The following SH3PXD2A variants were observed in gnomAD, a reference collection of about 807,000 sequenced individuals.
The protein encoded by SH3PXD2A is SH3 and PX domains 2A.
SH3PXD2A carries 32 observed loss-of-function variants against 115.2 expected under a neutral mutation model. The ratio of observed to expected loss-of-function variants is 0.28; its 90% confidence interval spans 0.21 to 0.37. The LOEUF (loss-of-function observed/expected upper bound fraction) is 0.37, where lower values mean the gene tolerates loss of function less well. Among genes scored for constraint, SH3PXD2A ranks in the 10% least tolerant of loss-of-function variants. SH3PXD2A has a pLI of 1.00. For missense variants in SH3PXD2A, 1,328 were observed against 1,498.7 expected (o/e 0.89, Z 1.88); for synonymous variants, 610 against 629.1 (o/e 0.97, Z 0.45).
At chr10:103,610,929 C>A (rs2036417473) in intron 13 of SH3PXD2A, among the ~76,000 whole-genome samples, 1 of 152,234 alleles carries the variant, frequency 6.6e-6, no homozygotes, top group Non-Finnish European at 1.5e-5. Context: ...CACTACATCC[C>A]ACTGCGCTTA....
rs1449645836 is a variant in SH3PXD2A at position 103,601,988 on chromosome 10, T to C, written c.3230A>G (p.Tyr1077Cys). ...CCCCTCGTAGTCTGCGATAGAGACG[T>C]ACACATCTTTGAGGTTATTGTGGAT... ...QFIHNNLKDV[Y>C]VSIADYEGDE... The change falls in exon 15 of 15, where the codon TAC (tyrosine) becomes TGC (cysteine). Residue 1077 changes from tyrosine (Y) to cysteine (C), a missense_variant. Physicochemically the swap from Tyr to Cys is radical, Grantham distance 194. Coordinates refer to ENST00000369774, the MANE Select transcript of SH3PXD2A (RefSeq NM_001394015.1). 1 of 1,613,872 alleles carries C rather than the reference T, an allele frequency of 6.2e-7. No individual in the cohort carries two copies. Among genetic ancestry groups the C allele is most frequent in the East Asian group, 2.2e-5 (1 of 44,860 alleles).
chr10:103,792,171 C>G (rs948902796), intron 2 of SH3PXD2A, among the ~76,000 whole-genome samples: 4 of 152,218 alleles, frequency 2.6e-5, no homozygotes, highest in Non-Finnish European at 5.9e-5. Context: ...ATCAAAGATG[C>G]CTCTTTCCAG....
chr10:103,622,642 G>GTGT, intron 9 of SH3PXD2A, 89 bp from the exon 10 acceptor site: 4 of 545,750 alleles, frequency 7.3e-6, no homozygotes, highest in Non-Finnish European at 1.0e-5. Context: ...GGGGTGGGAG[G>GTGT]AAGGGGCACA....
At chr10:103,767,744 G>A (rs1190955253) in intron 2 of SH3PXD2A, among the ~76,000 whole-genome samples, 1 of 151,006 alleles carries the variant, frequency 6.6e-6, no homozygotes. Flanking sequence ...CCCTGAGGTC[G>A]CTGCTGTTTT....
At chr10:103,854,438 G>A (rs893878426) in intron 1 of SH3PXD2A, among the ~76,000 whole-genome samples, 2 of 152,162 alleles carry the variant, frequency 1.3e-5, no homozygotes, top group South Asian at 4.1e-4. Flanking sequence ...AGGCTCTGGA[G>A]CTGCCCCAGT....
intron 10 of SH3PXD2A, among the ~76,000 whole-genome samples, chr10:103,622,208 T>C (rs909047584): frequency 6.6e-6 from 1 of 152,064 alleles, no homozygotes; most frequent in African/African-American, 2.4e-5. Context: ...CAAGCCCCTG[T>C]ACCTTTTCAG....
At position 103,656,306 on chromosome 10, in the gene SH3PXD2A, C is replaced by T. The variant is rs142094306; in HGVS notation, c.604+4677G>A. 1.4e-3 allele frequency among the ~76,000 whole-genome samples: 209 copies of T among 152,332 alleles called. 1 individual carries two copies. Among genetic ancestry groups the T allele is most frequent in the African/African-American group, 4.9e-3 (203 of 41,566 alleles). ...GCTTATTGGACCAGGGCTGGACACC[C>T]GATCTAACGTTTGCCAATCCATTGC... On this transcript the variant is annotated intron_variant, in intron 8 of 14. Transcript: ENST00000369774.
chr10:103,716,008 C>G (rs1202754827), intron 5 of SH3PXD2A, among the ~76,000 whole-genome samples: 1 of 152,222 alleles, frequency 6.6e-6, no homozygotes, highest in Non-Finnish European at 1.5e-5. Flanking sequence ...ATGAAACAAC[C>G]ATCCCCAAAA....
chr10:103,712,716 G>C (rs998669944), intron 5 of SH3PXD2A, among the ~76,000 whole-genome samples: 1 of 152,238 alleles, frequency 6.6e-6, no homozygotes, highest in South Asian at 2.1e-4. Flanking sequence ...TTCAGCCCCC[G>C]TGGTGACCAT....
intron 3 of SH3PXD2A, among the ~76,000 whole-genome samples, chr10:103,761,913 C>T (rs941586607): frequency 1.3e-5 from 2 of 150,752 alleles, no homozygotes. Flanking sequence ...GATTTGACTT[C>T]TCTTTAAAAT....
At chr10:103,783,303 A>T (rs1317162995) in intron 2 of SH3PXD2A, among the ~76,000 whole-genome samples, 1 of 152,190 alleles carries the variant, frequency 6.6e-6, no homozygotes, top group Non-Finnish European at 1.5e-5. Flanking sequence ...ATTCGTGGGA[A>T]GACTGGATTA....
intron 7 of SH3PXD2A, among the ~76,000 whole-genome samples, chr10:103,662,349 G>T (rs4918039): frequency 1.2e-5 from 1 of 81,546 alleles, no homozygotes; most frequent in South Asian, 6.5e-4. Flanking sequence ...GGCGGGGGGG[G>T]GGGCGGGGGG....
chr10:103,752,631 T>G (rs1325995039), intron 3 of SH3PXD2A, among the ~76,000 whole-genome samples: 2 of 152,210 alleles, frequency 1.3e-5, no homozygotes, highest in East Asian at 3.8e-4. Flanking sequence ...AATGAATAAG[T>G]AAAACCCTGC....
At chr10:103,703,271 T>C (rs1311644443) in intron 5 of SH3PXD2A, among the ~76,000 whole-genome samples, 1 of 152,170 alleles carries the variant, frequency 6.6e-6, no homozygotes, top group African/African-American at 2.4e-5. Context: ...CTCCCAGACT[T>C]TCCTAGACAC....
At chr10:103,820,797 C>T (rs914288827) in intron 1 of SH3PXD2A, among the ~76,000 whole-genome samples, 1 of 152,178 alleles carries the variant, frequency 6.6e-6, no homozygotes, top group Non-Finnish European at 1.5e-5. Context: ...CAGAGGGTGG[C>T]TAGGGGCTGG....
intron 6 of SH3PXD2A, among the ~76,000 whole-genome samples, chr10:103,672,510 T>C (rs557497283): frequency 1.1e-4 from 16 of 152,340 alleles, no homozygotes; most frequent in East Asian, 7.7e-4. Flanking sequence ...GCAGGCTCAA[T>C]TGAGGCAACC....
chr10:103,719,166 A>T (rs1207978432), intron 5 of SH3PXD2A, among the ~76,000 whole-genome samples: 5 of 152,234 alleles, frequency 3.3e-5, no homozygotes, highest in African/African-American at 1.2e-4. Context: ...CAGCCTGAAC[A>T]GACTGACACA....
rs74448562 is a variant in SH3PXD2A, at chr10:103,806,988, T to G, written c.73-5626A>C. On this transcript the variant is annotated intron_variant, in intron 1 of 14. Coordinates refer to ENST00000369774, the MANE Select transcript of SH3PXD2A (RefSeq NM_001394015.1). ...CACCCATCCAGAGGTCATCTTGGGC[T>G]GCCTTCTGTCTGCTCAGCTCACAAG... Among the ~76,000 whole-genome samples the G allele has an allele frequency of 2.7e-3, 418 of 152,354 alleles. 2 individuals carry two copies. Among genetic ancestry groups the G allele is most frequent in the African/African-American group, 9.2e-3 (384 of 41,580 alleles).
At chr10:103,820,430 C>G (rs567088154) in intron 1 of SH3PXD2A, among the ~76,000 whole-genome samples, 1 of 152,326 alleles carries the variant, frequency 6.6e-6, no homozygotes, top group South Asian at 2.1e-4. Context: ...CCAGGGGCTG[C>G]ATCTGGTCGG....
Sources: allele counts gnomAD v4.1 joint callset (sites outside exome capture counted in the v4.1 genomes callset), GRCh38; gene constraint gnomAD v4.1.1; transcripts MANE v1.5; gene names NCBI Gene and HGNC (gene_info 2026-07-23, HGNC 2026-07-21).